CBLB: variants seen among roughly 807,000 people sequenced by gnomAD.
The protein encoded by CBLB is Cbl proto-oncogene B.
Under a neutral mutation model 104.9 loss-of-function variants are expected in CBLB, and 31 were observed. The ratio of observed to expected loss-of-function variants is 0.30; its 90% CI spans 0.22 to 0.40. CBLB has a LOEUF of 0.40. CBLB is among the 10% of genes least tolerant of loss of function. CBLB has a pLI of 1.00. For missense variants in CBLB, 1,062 were observed against 1,214.6 expected (o/e 0.87, Z 1.87); for synonymous variants, 440 against 422.6 (o/e 1.04, Z -0.51).
At position 105,792,215 on chromosome 3, in the gene CBLB, T is replaced by G. The variant is rs114129394; in HGVS notation, c.420-15673A>C. ...TTTAGCAGGACCCTCAAAAGATCCTTTATTTTTCATTGCTCTGCCTCTAGG... is the reference window on the plus strand; with the variant it reads ...TTTAGCAGGACCCTCAAAAGATCCTGTATTTTTCATTGCTCTGCCTCTAGG... On this transcript the variant is annotated intron_variant, in intron 3 of 18. Transcript: ENST00000394030. Among the ~76,000 whole-genome samples, 848 of 152,320 alleles carry G rather than the reference T, an allele frequency of 5.6e-3. 5 individuals carry two copies. Among genetic ancestry groups the G allele is most frequent in the Non-Finnish European group, 0.011 (732 of 68,028 alleles).
chr3:105,703,873 A>C (rs1284903142), intron 11 of CBLB, 115 bp downstream of exon 11: 1 of 903,104 alleles, frequency 1.1e-6, no homozygotes, highest in East Asian at 2.6e-5. Context: ...GAAACTCATC[A>C]AACTTATTCA....
chr3:105,680,887 C>T (rs919454717), intron 16 of CBLB: 4 of 152,932 alleles, frequency 2.6e-5, no homozygotes, highest in Non-Finnish European at 5.8e-5. Flanking sequence ...CACCAGCCAA[C>T]TTCAACATAT....
In CBLB at chr3:105,799,838, C is replaced by T. The variant is rs117549694; in HGVS notation, c.420-23296G>A. On this transcript the variant is annotated intron_variant, in intron 3 of 18. Coordinates refer to ENST00000394030, the MANE Select transcript of CBLB (RefSeq NM_170662.5). ...GTGGACAAGTTATAGGATACATGAA[C>T]GTTTCTAATTCTCAGCTCCTAAGGT... Among the ~76,000 whole-genome samples, 404 of 152,188 alleles carry T rather than the reference C, an allele frequency of 2.7e-3. 7 individuals carry two copies. In the East Asian group the frequency reaches 0.06, roughly 22 times the overall value.
At chr3:105,679,573 C>G (rs2066062196) in intron 16 of CBLB, among the ~76,000 whole-genome samples, 2 of 151,954 alleles carry the variant, frequency 1.3e-5, no homozygotes, top group African/African-American at 4.8e-5. Flanking sequence ...GTCAGGAGAT[C>G]TAGACCATCC....
At chr3:105,716,729 C>G (rs1559935488) in intron 10 of CBLB, among the ~76,000 whole-genome samples, 1 of 151,544 alleles carries the variant, frequency 6.6e-6, no homozygotes, top group Non-Finnish European at 1.5e-5. Context: ...TCTAAACTAT[C>G]TAACTCCCAT....
intron 4 of CBLB, among the ~76,000 whole-genome samples, chr3:105,769,971 G>A (rs1296438918): frequency 6.6e-6 from 1 of 152,074 alleles, no homozygotes; most frequent in Non-Finnish European, 1.5e-5. Context: ...AGAATTTTAT[G>A]TATGGAGAGG....
intron 12 of CBLB, among the ~76,000 whole-genome samples, chr3:105,700,429 C>CATATGAATA (rs2068930611): frequency 6.6e-6 from 1 of 151,482 alleles, no homozygotes; most frequent in African/African-American, 2.4e-5. Flanking sequence ...ACACTCTTCC[C>CATATGAATA]AAGACAAGTG....
intron 3 of CBLB, among the ~76,000 whole-genome samples, chr3:105,813,726 G>A (rs538400461): frequency 5.3e-5 from 8 of 152,070 alleles, no homozygotes; most frequent in Non-Finnish European, 1.0e-4. Flanking sequence ...AAACAAGTAA[G>A]CAGCTATACA....
At chr3:105,830,798 A>C (rs976872083) in intron 3 of CBLB, among the ~76,000 whole-genome samples, 4 of 152,188 alleles carry the variant, frequency 2.6e-5, no homozygotes, top group Admixed American at 2.6e-4. Flanking sequence ...TGAACCAAAA[A>C]CCACCAAATT....
Position 105,734,150 on chromosome 3 carries a change from G to C in CBLB, c.1072-10C>G. The C allele has an allele frequency of 6.2e-7, 1 of 1,613,122 alleles. No homozygotes were observed. The highest frequency in any genetic ancestry group is 8.5e-7 in the Non-Finnish European group (1 of 1,179,194). The stretch of plus-strand genomic sequence containing the variant: ...ATAATTCATATTGTTCCTGGAATTT[G>C]GGGAGGAGGGAGAAAGTAATGTTAA... On this transcript the variant is annotated splice_polypyrimidine_tract_variant and intron_variant, in intron 8 of 18. Transcript: ENST00000394030.
chr3:105,769,809 A>G (rs1366841806), intron 4 of CBLB, among the ~76,000 whole-genome samples: 7 of 152,212 alleles, frequency 4.6e-5, no homozygotes, highest in Non-Finnish European at 2.9e-5. Context: ...ATTCATGCAA[A>G]CACTTCAAGC....
chr3:105,808,377 A>G (rs2083804580), intron 3 of CBLB, among the ~76,000 whole-genome samples: 1 of 152,124 alleles, frequency 6.6e-6, no homozygotes, highest in South Asian at 2.1e-4. Flanking sequence ...CTGTCTGTGT[A>G]TTTGTTTTGT....
chr3:105,801,833 T>C (rs2082907172), intron 3 of CBLB, among the ~76,000 whole-genome samples: 1 of 152,216 alleles, frequency 6.6e-6, no homozygotes, highest in Non-Finnish European at 1.5e-5. Context: ...AAACATACTT[T>C]AGAAATGGTG....
At chr3:105,771,483 TC>T (rs1274695490) in intron 4 of CBLB, among the ~76,000 whole-genome samples, 2 of 151,556 alleles carry the variant, frequency 1.3e-5, no homozygotes, top group African/African-American at 4.9e-5. Context: ...CAGATAAAGA[TC>T]CCCACCTTCA....
At chr3:105,773,599 C>CTTCT (rs2079115915) in intron 4 of CBLB, among the ~76,000 whole-genome samples, 2 of 152,098 alleles carry the variant, frequency 1.3e-5, no homozygotes, top group South Asian at 4.1e-4. Context: ...CATTGATGTG[C>CTTCT]TTCTTTTTTT....
chr3:105,816,843 C>T (rs2085127854), intron 3 of CBLB, among the ~76,000 whole-genome samples: 1 of 151,894 alleles, frequency 6.6e-6, no homozygotes, highest in African/African-American at 2.4e-5. Context: ...ATTAATGGAA[C>T]CTACTTTTAA....
At chr3:105,820,064 T>A (rs2085616901) in intron 3 of CBLB, among the ~76,000 whole-genome samples, 1 of 152,186 alleles carries the variant, frequency 6.6e-6, no homozygotes, top group Non-Finnish European at 1.5e-5. Flanking sequence ...AACCCTGAAC[T>A]TGTTTTCCTG....
chr3:105,782,716 G>C (rs889696249), intron 3 of CBLB, among the ~76,000 whole-genome samples: 1 of 151,646 alleles, frequency 6.6e-6, no homozygotes, highest in Non-Finnish European at 1.5e-5. Flanking sequence ...CCTCCAGAGG[G>C]TGTATGCCAC....
rs552140002 is a variant in CBLB, at chr3:105,668,223, C to T, written c.2689+2010G>A. ...TTCAGGCTTCTGGCAAATGGCTATT[C>T]GGGGATATTTCAACAAGGTTTGTGA... On this transcript the variant is annotated intron_variant, in intron 18 of 18. Transcript: ENST00000394030. Among the ~76,000 whole-genome samples, 9 of 152,138 alleles carry T rather than the reference C, an allele frequency of 5.9e-5. 1 individual carries two copies. Among genetic ancestry groups the T allele is most frequent in the Middle Eastern group, 3.4e-3 (1 of 294 alleles).
Sources: gnomAD v4.1 joint callset for allele counts (sites outside exome capture counted in the v4.1 genomes callset) on GRCh38, gnomAD v4.1.1 for gene constraint, MANE v1.5 for transcripts, NCBI Gene and HGNC (gene_info 2026-07-23, HGNC 2026-07-21) for gene names.